The following IL1RAPL2 variants were observed in gnomAD, a reference collection of about 807,000 sequenced individuals.
IL1RAPL2 encodes interleukin 1 receptor accessory protein like 2.
In IL1RAPL2, 3 loss-of-function variants were observed where a neutral mutation model predicts 44.1. The ratio of observed to expected loss-of-function variants is 0.07; its 90% CI spans 0.03 to 0.18. IL1RAPL2 has a LOEUF of 0.18. Among genes scored for constraint, IL1RAPL2 ranks in the 10% least tolerant of loss-of-function variants. The pLI is 1.00. For missense variants in IL1RAPL2, 391 were observed against 496.4 expected (o/e 0.79, Z 2.02); for synonymous variants, 181 against 178.8 (o/e 1.01, Z -0.10).
intron 5 of IL1RAPL2, among the ~76,000 whole-genome samples, chrX:105,468,583 CACTGGACCCTACAA>C (rs1242559129): frequency 3.6e-5 from 4 of 111,559 alleles, no homozygotes; most frequent in Non-Finnish European, 7.5e-5. Flanking sequence ...TTTCATTTTG[CACTGGACCCTACAA>C]ACTGGACCCT....
chrX:105,578,805 G>A (rs192021783), intron 6 of IL1RAPL2, among the ~76,000 whole-genome samples: 17 of 111,855 alleles, frequency 1.5e-4, no homozygotes, highest in Non-Finnish European at 2.4e-4. Flanking sequence ...AAAGCCATGC[G>A]ATCAATAAAT....
At chrX:105,052,456 A>C (rs1478205453) in intron 2 of IL1RAPL2, among the ~76,000 whole-genome samples, 1 of 112,055 alleles carries the variant, frequency 8.9e-6, no homozygotes, top group Non-Finnish European at 1.9e-5. Flanking sequence ...TATTGAAAGA[A>C]AATTAGGTGT....
chrX:104,749,671 A>G (rs1191349515), intron 2 of IL1RAPL2, among the ~76,000 whole-genome samples: 1 of 111,482 alleles, frequency 9.0e-6, no homozygotes, highest in Non-Finnish European at 1.9e-5. Flanking sequence ...GGTGGAATAT[A>G]TGTTCCTTTG....
At chrX:105,358,587 G>A (rs938540540) in intron 5 of IL1RAPL2, among the ~76,000 whole-genome samples, 3 of 105,830 alleles carry the variant, frequency 2.8e-5, no homozygotes, top group Non-Finnish European at 5.8e-5. Flanking sequence ...GAGGTGGAAG[G>A]ACTGCTTGAG....
chrX:104,738,208 A>G (rs1284087683), intron 2 of IL1RAPL2, among the ~76,000 whole-genome samples: 2 of 112,221 alleles, frequency 1.8e-5, no homozygotes, highest in Non-Finnish European at 3.8e-5. Flanking sequence ...TGTCCAAACC[A>G]GGATACTTTT....
At chrX:105,038,740 C>T (rs2031670576) in intron 2 of IL1RAPL2, among the ~76,000 whole-genome samples, 1 of 110,638 alleles carries the variant, frequency 9.0e-6, no homozygotes, top group African/African-American at 3.3e-5. Context: ...GCTGCAGAAC[C>T]TCTTTCTAGG....
chrX:105,456,820 G>C (rs2036058060), intron 5 of IL1RAPL2, among the ~76,000 whole-genome samples: 1 of 110,070 alleles, frequency 9.1e-6, no homozygotes, highest in African/African-American at 3.3e-5. Flanking sequence ...ACTATGACTA[G>C]ATAACAGAAT....
At chrX:105,717,161 C>T (rs1004791661) in intron 6 of IL1RAPL2, among the ~76,000 whole-genome samples, 11 of 111,895 alleles carry the variant, frequency 9.8e-5, no homozygotes, top group African/African-American at 3.6e-4. Flanking sequence ...TGTATTCCCA[C>T]TTTTGATTAT....
At chrX:104,758,042 C>A (rs952451228) in intron 2 of IL1RAPL2, among the ~76,000 whole-genome samples, 2 of 111,687 alleles carry the variant, frequency 1.8e-5, no homozygotes, top group Non-Finnish European at 3.8e-5. Context: ...TGTGCCTGGA[C>A]GGTAAAGAAT....
intron 2 of IL1RAPL2, among the ~76,000 whole-genome samples, chrX:105,099,718 G>A (rs1270957048): frequency 1.8e-5 from 2 of 108,495 alleles, no homozygotes; most frequent in African/African-American, 3.4e-5. Context: ...CGCCAGTCTC[G>A]GCCTCCCAAA....
intron 2 of IL1RAPL2, among the ~76,000 whole-genome samples, chrX:104,812,427 A>G (rs1330846064): frequency 9.0e-6 from 1 of 111,597 alleles, no homozygotes; most frequent in South Asian, 3.8e-4. Context: ...CATGATGTTT[A>G]TGGAGACCAT....
chrX:104,844,938 T>TA (rs1398381949), intron 2 of IL1RAPL2, among the ~76,000 whole-genome samples: 4 of 111,744 alleles, frequency 3.6e-5, no homozygotes, highest in Non-Finnish European at 7.5e-5. Context: ...TTCCTATTTG[T>TA]AAAAAAATAG....
In IL1RAPL2 at chrX:104,889,934, T is replaced by C. The variant is rs186692568; in HGVS notation, c.82+230939T>C. Among the ~76,000 whole-genome samples the C allele has an allele frequency of 8.1e-5, 9 of 111,240 alleles. No homozygotes were observed. In the East Asian group the frequency reaches 2.6e-3, roughly 32 times the overall value. The stretch of plus-strand genomic sequence containing the variant: ...CATTTACATTAGGTGTATCTCCTAA[T>C]GCTATCCCTCCCCCCTACCCCCAAC... On this transcript the variant is annotated intron_variant, in intron 2 of 10. Transcript: ENST00000372582.
At chrX:104,970,102 A>C (rs2030203243) in intron 2 of IL1RAPL2, among the ~76,000 whole-genome samples, 1 of 111,098 alleles carries the variant, frequency 9.0e-6, no homozygotes, top group Non-Finnish European at 1.9e-5. Context: ...GTACATTTAC[A>C]CCAAAATATC....
intron 2 of IL1RAPL2, among the ~76,000 whole-genome samples, chrX:104,972,595 C>T (rs1173702200): frequency 1.8e-5 from 2 of 111,381 alleles, no homozygotes; most frequent in Non-Finnish European, 3.8e-5. Context: ...AAGATGATTC[C>T]CTGATGCTAC....
At chrX:105,075,436 C>T (rs2032280245) in intron 2 of IL1RAPL2, among the ~76,000 whole-genome samples, 1 of 111,156 alleles carries the variant, frequency 9.0e-6, no homozygotes, top group Non-Finnish European at 1.9e-5. Flanking sequence ...CTGCTGGATT[C>T]GGTTTGCCAG....
chrX:105,301,461 A>G, intron 5 of IL1RAPL2, among the ~76,000 whole-genome samples: 1 of 110,941 alleles, frequency 9.0e-6, no homozygotes, highest in African/African-American at 3.3e-5. Flanking sequence ...TGACTACAGT[A>G]CCCCTGTTGT....
chrX:105,438,109 A>G (rs1178195639), intron 5 of IL1RAPL2, among the ~76,000 whole-genome samples: 2 of 111,863 alleles, frequency 1.8e-5, no homozygotes, highest in African/African-American at 6.5e-5. Context: ...TAATGTTATC[A>G]GCTCTTCATT....
chrX:104,771,259 C>T (rs1932637297), intron 2 of IL1RAPL2, among the ~76,000 whole-genome samples: 1 of 112,347 alleles, frequency 8.9e-6, no homozygotes, highest in African/African-American at 3.2e-5. Context: ...CATATCTCCC[C>T]TCCAGCAGAG....
Sources: allele counts gnomAD v4.1 joint callset (sites outside exome capture counted in the v4.1 genomes callset), GRCh38; gene constraint gnomAD v4.1.1; transcripts MANE v1.5; gene names NCBI Gene and HGNC (gene_info 2026-07-23, HGNC 2026-07-21).